The following SNX31 variants were observed in gnomAD, a reference collection of about 807,000 sequenced individuals.
The protein encoded by SNX31 is sorting nexin 31.
Under a neutral mutation model 65.4 loss-of-function variants are expected in SNX31, and 58 were observed. The observed-to-expected ratio is 0.89, with a 90% CI of 0.72 to 1.10. The LOEUF is 1.10. SNX31 is among the 50% of genes least tolerant of loss of function. SNX31 has a pLI of 0.00. For missense variants in SNX31, 523 were observed against 529.7 expected, an observed-to-expected ratio of 0.99 and a Z score of 0.12; for synonymous variants, 181 against 190.1, an observed-to-expected ratio of 0.95 and a Z score of 0.39.
At chr8:100,587,050 C>G (rs1814110001) in intron 11 of SNX31, among the ~76,000 whole-genome samples, 1 of 152,188 alleles carries the variant, frequency 6.6e-6, no homozygotes, top group African/African-American at 2.4e-5. Context: ...GCCCCTTCTT[C>G]TTTCCTAAGA....
At chr8:100,650,447 G>C (rs1819930641), upstream of SNX31, among the ~76,000 whole-genome samples, 2 of 152,060 alleles carry the variant, frequency 1.3e-5, no homozygotes, top group Non-Finnish European at 2.9e-5. Context: ...AAGCTCACAG[G>C]GCATTTTTTT....
chr8:100,600,419 C>G lies in SNX31; in HGVS notation c.704G>C (p.Gly235Ala). The G allele has an allele frequency of 6.2e-7, 1 of 1,613,442 alleles. No individual in the cohort carries two copies. Among genetic ancestry groups the G allele is most frequent in the Non-Finnish European group, 8.5e-7 (1 of 1,179,764 alleles). Residue 235 changes from glycine to alanine, a missense_variant, in exon 9 of 14, where the codon GGA (glycine) becomes GCA (alanine). By Grantham distance (60) the Gly-to-Ala change is moderately conservative. Transcript: ENST00000311812. ...YMQAIQDIEK[G>A]WAKPTQAQRQ... ...CTGTGCCTGTGTGGGTTTGGCCCATCCTTTTTCAATGTCCTGTATTGCCTT... is the reference window on the plus strand; with the variant it reads ...CTGTGCCTGTGTGGGTTTGGCCCATGCTTTTTCAATGTCCTGTATTGCCTT...
chr8:100,576,443 G>A lies in SNX31; in HGVS notation c.1227+576C>T, dbSNP rs1258379562. Among the ~76,000 whole-genome samples, 1 of 152,204 alleles carries A rather than the reference G, an allele frequency of 6.6e-6. No individual in the cohort carries two copies. The highest frequency in any genetic ancestry group is 2.4e-5 in the African/African-American group (1 of 41,454). On this transcript the variant is annotated intron_variant, in intron 13 of 13. Coordinates refer to ENST00000311812, the MANE Select transcript of SNX31 (RefSeq NM_152628.4). The surrounding 1 kb of genome is among the most constrained non-coding windows in gnomAD (Gnocchi z 4.8). ...CTGCTTCTTTCCATCTTTGACTGCT[G>A]TGCAACCTTGGGCAGGTCACAAAAC... is the stretch of plus-strand genomic sequence containing the variant.
At chr8:100,641,545 CAAAA>C (rs1173913088) in intron 2 of SNX31, among the ~76,000 whole-genome samples, 14 of 10,256 alleles carry the variant, frequency 1.4e-3, no homozygotes, top group Non-Finnish European at 1.9e-3. Flanking sequence ...GACCTTGTCT[CAAAA>C]AAAAAAAAAA....
chr8:100,577,451 A>C (rs1813139804), intron 12 of SNX31, among the ~76,000 whole-genome samples: 1 of 152,230 alleles, frequency 6.6e-6, no homozygotes, highest in Non-Finnish European at 1.5e-5. Context: ...GGTTAATCAA[A>C]AGCCACCATT....
In SNX31 at chr8:100,575,114, T is replaced by C. The variant is rs11992468; in HGVS notation, c.1228-1154A>G. 0.024 allele frequency among the ~76,000 whole-genome samples: 3,696 copies of C among 152,302 alleles called. 170 individuals are homozygous for C. The highest frequency in any genetic ancestry group is 0.085 in the African/African-American group (3,511 of 41,540). The stretch of plus-strand genomic sequence containing the variant: ...TGGGCAGATGGGCTACAACTTTTTT[T>C]CTACGAGGGATTTGTTTTGATAGAG... On this transcript the variant is annotated intron_variant, in intron 13 of 13. Coordinates refer to ENST00000311812, the MANE Select transcript of SNX31 (RefSeq NM_152628.4). This position sits in a 1 kb window ranked among gnomAD's most constrained non-coding sequence, Gnocchi z 5.1.
rs1004881248 is a variant in SNX31 at position 100,648,937 on chromosome 8, C to G, written c.141+337G>C. On this transcript the variant is annotated intron_variant, in intron 2 of 13. Transcript: ENST00000311812. This position sits in a 1 kb window ranked among gnomAD's most constrained non-coding sequence, Gnocchi z 4.3. ...TGGAGGGAAGCATTGTCCTGGGGAA[C>G]AGCGGGCACTGAAATGGGGCCCAGC... Among the ~76,000 whole-genome samples, 1 of 152,246 alleles carries G rather than the reference C, an allele frequency of 6.6e-6. No individual in the cohort carries two copies. Among genetic ancestry groups the G allele is most frequent in the Non-Finnish European group, 1.5e-5 (1 of 68,036 alleles).
chr8:100,641,745 C>A (rs1408173930), intron 2 of SNX31, among the ~76,000 whole-genome samples: 1 of 141,848 alleles, frequency 7.0e-6, no homozygotes, highest in Non-Finnish European at 1.5e-5. Context: ...GACAGGGTCT[C>A]ACTCCTGTGG....
Position 100,640,116 on chromosome 8 carries a change from A to ATTTCT in SNX31, c.142-4110_142-4106dup, listed in dbSNP as rs144951562. Among the ~76,000 whole-genome samples, 17 of 91,704 alleles carry ATTTCT rather than the reference A, an allele frequency of 1.9e-4. No individual in the cohort carries two copies. The East Asian group carries it at 4.9e-3, about 26-fold the overall frequency. 60.2% of individuals were successfully genotyped at this position (91,704 alleles called of 152,430 possible). On this transcript the variant is annotated intron_variant, in intron 2 of 13. Transcript: ENST00000311812. ...CTCTTGTGCAGAAGAACATCAGATA[A>ATTTCT]TTTCTTTTCTTTTCTTTTCTTTTTT...
Position 100,630,462 on chromosome 8 carries a change from TC to T in SNX31, c.257-72del. On this transcript the variant is annotated intron_variant, in intron 3 of 13. Coordinates refer to ENST00000311812, the MANE Select transcript of SNX31 (RefSeq NM_152628.4). The surrounding 1 kb of genome is among the most constrained non-coding windows in gnomAD (Gnocchi z 5.3). The stretch of plus-strand genomic sequence containing the variant: ...GCCCTGCCTATTAATTGCTATGTCC[TC>T]CAGAGATCCCTCCATGCCTTGCCAG... 2.3e-6 allele frequency: 3 copies of T among 1,292,796 alleles called. No homozygotes were observed. Among genetic ancestry groups the T allele is most frequent in the Non-Finnish European group, 3.3e-6 (3 of 916,600 alleles). 80.1% of individuals were successfully genotyped at this position (1,292,796 alleles called of 1,614,324 possible).
rs1350522715 is a variant in SNX31, at chr8:100,625,358, G to A, written c.321+4969C>T. Among the ~76,000 whole-genome samples, 3 of 151,532 alleles carry A rather than the reference G, an allele frequency of 2.0e-5. No individual in the cohort carries two copies. The highest frequency in any genetic ancestry group is 1.3e-4 in the Admixed American group (2 of 15,212). On this transcript the variant is annotated intron_variant, in intron 4 of 13. Coordinates refer to ENST00000311812, the MANE Select transcript of SNX31 (RefSeq NM_152628.4). This position sits in a 1 kb window ranked among gnomAD's most constrained non-coding sequence, Gnocchi z 4.2. Reference sequence around the variant, plus strand: ...TCATTGCATGTGATGGAGGTTTAGAGCCTGGTGAGTCCACATATGGATTTT... The same window carrying A: ...TCATTGCATGTGATGGAGGTTTAGAACCTGGTGAGTCCACATATGGATTTT...
Position 100,608,478 on chromosome 8 carries a change from T to C in SNX31, c.681+16A>G, listed in dbSNP as rs371830938. The C allele has an allele frequency of 1.8e-4, 287 of 1,613,534 alleles. No individual in the cohort carries two copies. Among genetic ancestry groups the C allele is most frequent in the Non-Finnish European group, 2.3e-4 (267 of 1,179,644 alleles). On this transcript the variant is annotated intron_variant, in intron 8 of 13. Transcript: ENST00000311812. ...CTATGATCTACGGTGCTGTCTGAGC[T>C]CTTGGTGACCCTCACCTGCATGTAG...
intron 4 of SNX31, among the ~76,000 whole-genome samples, chr8:100,620,658 C>T (rs1586982243): frequency 6.6e-6 from 1 of 152,158 alleles, no homozygotes; most frequent in Non-Finnish European, 1.5e-5. Context: ...TTATTGTATA[C>T]AACTATTTTA....
Position 100,658,817 on chromosome 8 carries a change from G to A in SNX31, c.-58+4325C>T, listed in dbSNP as rs117500008. 9.6e-3 allele frequency among the ~76,000 whole-genome samples: 1,459 copies of A among 152,210 alleles called. 12 individuals are homozygous for A. The highest frequency in any genetic ancestry group is 0.012 in the Non-Finnish European group (794 of 68,014). ...ACCATACTTTCAAGAGGTTCTTTGC[G>A]ATGAGTCGAGGTCTTGGTTAGGGGT... On this transcript the variant is annotated intron_variant, in intron 1 of 5. Coordinates refer to the SNX31 transcript ENST00000520352.
chr8:100,640,252 G>A (rs185386168), intron 2 of SNX31, among the ~76,000 whole-genome samples: 3 of 152,200 alleles, frequency 2.0e-5, no homozygotes, highest in Middle Eastern at 3.4e-3. Context: ...CTCGCCTCCC[G>A]AGTAGCTGGG....
chr8:100,615,939 T>A (rs1323351496), intron 5 of SNX31, among the ~76,000 whole-genome samples: 42 of 152,058 alleles, frequency 2.8e-4, no homozygotes, highest in African/African-American at 9.4e-4. Flanking sequence ...CCGGCTAATT[T>A]TTTTTTTGTA....
At chr8:100,646,054 G>A (rs1237790859) in intron 2 of SNX31, among the ~76,000 whole-genome samples, 1 of 152,164 alleles carries the variant, frequency 6.6e-6, no homozygotes, top group Non-Finnish European at 1.5e-5. Flanking sequence ...GCTGAATGAA[G>A]GGGATTGAGA....
intron 3 of SNX31, among the ~76,000 whole-genome samples, chr8:100,631,333 C>T (rs538207997): frequency 6.6e-6 from 1 of 152,124 alleles, no homozygotes; most frequent in African/African-American, 2.4e-5. Flanking sequence ...GGTTTACCCC[C>T]ACTTGCCACA....
chr8:100,618,435 ATTCTCCAGTTC>A, intron 4 of SNX31: 1 of 869,014 alleles, frequency 1.2e-6, no homozygotes, highest in Non-Finnish European at 1.8e-6. Flanking sequence ...GTAGCAACCA[ATTCTCCAGTTC>A]TTGAACATCA....
Sources: allele counts gnomAD v4.1 joint callset (sites outside exome capture counted in the v4.1 genomes callset), GRCh38; gene constraint gnomAD v4.1.1; non-coding constraint Gnocchi (gnomAD v3.1); transcripts MANE v1.5; gene names NCBI Gene and HGNC (gene_info 2026-07-23, HGNC 2026-07-21).